PLCH1: variants seen among roughly 807,000 people sequenced by gnomAD.
The protein encoded by PLCH1 is phospholipase C eta 1.
PLCH1 carries 60 observed loss-of-function variants against 126.7 expected under a neutral mutation model. The ratio of observed to expected loss-of-function variants is 0.47; its 90% CI spans 0.38 to 0.59. The LOEUF is 0.59. Among genes scored for constraint, PLCH1 ranks in the 20% least tolerant of loss-of-function variants. The pLI, the probability that PLCH1 is intolerant of heterozygous loss-of-function variation, is 0.00. For synonymous variants in PLCH1, 719 were observed against 734.9 expected (o/e 0.98, Z 0.35); for missense variants, 1,723 against 2,040.0 (o/e 0.84, Z 2.99).
chr3:155,744,617 A>C (rs552845068), intron 1 of PLCH1, among the ~76,000 whole-genome samples: 12 of 152,234 alleles, frequency 7.9e-5, no homozygotes, highest in African/African-American at 2.9e-4. Flanking sequence ...ATCCTTCTGA[A>C]TTATGGGACC....
chr3:155,461,095 A>G (rs1361239238), intron 21 of PLCH1, among the ~76,000 whole-genome samples: 2 of 152,146 alleles, frequency 1.3e-5, no homozygotes, highest in African/African-American at 4.8e-5. Flanking sequence ...TGTTAATTCT[A>G]CTGTCTATAA....
chr3:155,483,371 T>A, intron 22 of PLCH1: 1 of 1,544,026 alleles, frequency 6.5e-7, no homozygotes, highest in Non-Finnish European at 8.8e-7. Context: ...CCTATTCAGA[T>A]TTGTACTACA....
At chr3:155,616,417 A>C (rs577666443) in intron 2 of PLCH1, among the ~76,000 whole-genome samples, 87 of 152,348 alleles carry the variant, frequency 5.7e-4, no homozygotes, top group African/African-American at 2.0e-3. Flanking sequence ...TCCATAAATT[A>C]AACATTAGCA....
intron 21 of PLCH1, among the ~76,000 whole-genome samples, chr3:155,468,021 C>G (rs775830240): frequency 3.9e-5 from 6 of 152,060 alleles, no homozygotes. Flanking sequence ...AAATGAGGAA[C>G]CAATCAATAA....
intron 2 of PLCH1, among the ~76,000 whole-genome samples, chr3:155,607,083 A>T (rs1297603004): frequency 6.6e-6 from 1 of 152,176 alleles, no homozygotes; most frequent in Admixed American, 6.5e-5. Flanking sequence ...TCTTGGTTTA[A>T]ATAAAATGTA....
intron 7 of PLCH1, among the ~76,000 whole-genome samples, chr3:155,567,973 C>T (rs142198613): frequency 3.0e-4 from 45 of 152,320 alleles, no homozygotes; most frequent in Non-Finnish European, 6.2e-4. Context: ...TATGTCATGG[C>T]ATCCATCACA....
chr3:155,744,603 C>T (rs927779270), intron 1 of PLCH1, among the ~76,000 whole-genome samples: 8 of 152,128 alleles, frequency 5.3e-5, no homozygotes, highest in Non-Finnish European at 2.9e-5. Flanking sequence ...ACACACCCAC[C>T]CTCATCCTTC....
At chr3:155,558,640 C>G (rs1727143339) in intron 8 of PLCH1, among the ~76,000 whole-genome samples, 1 of 152,116 alleles carries the variant, frequency 6.6e-6, no homozygotes, top group South Asian at 2.1e-4. Context: ...ACTGTATCAC[C>G]TTTCCTCTTG....
At chr3:155,700,102 G>A (rs980782159) in intron 2 of PLCH1, among the ~76,000 whole-genome samples, 2 of 152,190 alleles carry the variant, frequency 1.3e-5, no homozygotes, top group South Asian at 4.2e-4. Flanking sequence ...GAAAGACAGG[G>A]AAACTGAGGG....
chr3:155,735,233 A>G (rs1055843533), intron 1 of PLCH1, among the ~76,000 whole-genome samples: 39 of 152,182 alleles, frequency 2.6e-4, no homozygotes, highest in Non-Finnish European at 5.0e-4. Context: ...GGTGGGGAAG[A>G]TGCTGGTCAA....
intron 2 of PLCH1, among the ~76,000 whole-genome samples, chr3:155,703,293 G>A (rs183748674): frequency 6.6e-6 from 1 of 152,288 alleles, no homozygotes; most frequent in East Asian, 1.9e-4. Context: ...AAGCAGCTTA[G>A]ATTATAGGAT....
intron 2 of PLCH1, among the ~76,000 whole-genome samples, chr3:155,618,341 T>C (rs1244640759): frequency 6.6e-6 from 1 of 152,170 alleles, no homozygotes; most frequent in Non-Finnish European, 1.5e-5. Context: ...TAAAGCTCAA[T>C]AGAATTGCTA....
At chr3:155,483,470 G>A (rs909007925) in intron 22 of PLCH1, 2 of 656,402 alleles carry the variant, frequency 3.0e-6, no homozygotes, top group African/African-American at 1.9e-5. Context: ...AGCTTTCAAA[G>A]TTATACATGT....
chr3:155,695,582 C>A (rs572367996), intron 2 of PLCH1, among the ~76,000 whole-genome samples: 66 of 152,388 alleles, frequency 4.3e-4, no homozygotes, highest in African/African-American at 1.5e-3. Context: ...CAACGCATTG[C>A]ACTGTGTGCT....
chr3:155,682,715 C>G (rs1744633838), intron 2 of PLCH1, among the ~76,000 whole-genome samples: 1 of 152,174 alleles, frequency 6.6e-6, no homozygotes, highest in Middle Eastern at 3.4e-3. Context: ...AATCCAAACA[C>G]AGTGCTCTTT....
At chr3:155,615,173 A>G (rs940585313) in intron 2 of PLCH1, among the ~76,000 whole-genome samples, 2 of 152,228 alleles carry the variant, frequency 1.3e-5, no homozygotes, top group Admixed American at 1.3e-4. Context: ...GACAACAAAC[A>G]TATGAAAAAG....
At chr3:155,495,028 A>G (rs1334456224) in intron 15 of PLCH1, among the ~76,000 whole-genome samples, 1 of 152,216 alleles carries the variant, frequency 6.6e-6, no homozygotes, top group Non-Finnish European at 1.5e-5. Flanking sequence ...GAACAATTAT[A>G]AAAATAAAAA....
chr3:155,492,885 A>G lies in PLCH1; in HGVS notation c.2183-32T>C, dbSNP rs780935340. 135 of 1,542,916 alleles carry G rather than the reference A, an allele frequency of 8.7e-5. No homozygotes were observed. The Middle Eastern group carries it at 2.1e-3, about 24-fold the overall frequency. On this transcript the variant is annotated intron_variant, in intron 17 of 22. Coordinates refer to ENST00000460012, the MANE Select transcript of PLCH1 (RefSeq NM_014996.4). ...CAAGTAAAGTATAAGTTGGTAACATAAGAAGAAACACACACGCATGCACAG... is the reference window on the plus strand; with the variant it reads ...CAAGTAAAGTATAAGTTGGTAACATGAGAAGAAACACACACGCATGCACAG...
intron 2 of PLCH1, among the ~76,000 whole-genome samples, chr3:155,624,907 T>C (rs1737033701): frequency 6.6e-6 from 1 of 152,204 alleles, no homozygotes; most frequent in Non-Finnish European, 1.5e-5. Context: ...AAATTTCATA[T>C]GGAACAACAA....
Sources: gnomAD v4.1 joint callset for allele counts (sites outside exome capture counted in the v4.1 genomes callset) on GRCh38, gnomAD v4.1.1 for gene constraint, MANE v1.5 for transcripts, NCBI Gene and HGNC (gene_info 2026-07-23, HGNC 2026-07-21) for gene names.